Variants in SYTL4 observed in about 807,000 individuals in gnomAD.
The protein encoded by SYTL4 is synaptotagmin like 4.
A neutral mutation model predicts 52.7 loss-of-function variants in SYTL4; 16 were observed. That is an observed-to-expected ratio of 0.30 (90% CI 0.21 to 0.46). The LOEUF (loss-of-function observed/expected upper bound fraction) is 0.46, where lower values mean the gene tolerates loss of function less well. Among genes scored for constraint, SYTL4 ranks in the 20% least tolerant of loss-of-function variants. The pLI is 1.00. For synonymous variants in SYTL4, 160 were observed against 186.6 expected, an observed-to-expected ratio of 0.86 and a Z score of 1.16; for missense variants, 423 against 519.9, an observed-to-expected ratio of 0.81 and a Z score of 1.81.
At chrX:100,703,993 T>C (rs1399392362) in intron 3 of SYTL4, among the ~76,000 whole-genome samples, 1 of 112,834 alleles carries the variant, frequency 8.9e-6, no homozygotes, top group Non-Finnish European at 1.9e-5. Context: ...TGTTTTTACA[T>C]ATATCTTCCA....
chrX:100,713,420 G>C (rs2084116702), intron 2 of SYTL4, among the ~76,000 whole-genome samples: 1 of 110,793 alleles, frequency 9.0e-6, no homozygotes, highest in African/African-American at 3.3e-5. Context: ...ACTCCAGCCT[G>C]GGCAACAAGA....
At chrX:100,706,183 C>A (rs749419298) in intron 2 of SYTL4, among the ~76,000 whole-genome samples, 11 of 112,200 alleles carry the variant, frequency 9.8e-5, no homozygotes, top group African/African-American at 2.9e-4. Context: ...CTCAGCTGAA[C>A]CCTCATTGTC....
At chrX:100,687,355 C>T (rs1362705712) in intron 13 of SYTL4, 110 bp from the exon 14 acceptor site, 1 of 675,075 alleles carries the variant, frequency 1.5e-6, no homozygotes, top group Non-Finnish European at 2.3e-6. Context: ...GTTTCAGAAG[C>T]CCCTGCAATA....
At chrX:100,694,305 T>C (rs1408545727) in intron 8 of SYTL4, among the ~76,000 whole-genome samples, 1 of 111,352 alleles carries the variant, frequency 9.0e-6, no homozygotes, top group African/African-American at 3.3e-5. Context: ...ATGATCTGCT[T>C]CTCATCCCAT....
chrX:100,690,305 T>C, intron 10 of SYTL4, 140 bp from the exon 11 acceptor site: 1 of 488,281 alleles, frequency 2.0e-6, no homozygotes, highest in South Asian at 3.5e-5. Flanking sequence ...ATTAAATGCC[T>C]AGAAATAGTA....
chrX:100,709,127 T>G (rs1035649919), intron 2 of SYTL4, among the ~76,000 whole-genome samples: 1 of 111,450 alleles, frequency 9.0e-6, no homozygotes, highest in Non-Finnish European at 1.9e-5. Flanking sequence ...CCCATGGAAA[T>G]TGAAGAGCTG....
At chrX:100,722,662 C>CTAAA (rs57321237) in intron 2 of SYTL4, among the ~76,000 whole-genome samples, 4,840 of 109,778 alleles carry the variant, frequency 0.044, 171 homozygotes, top group African/African-American at 0.11. Flanking sequence ...CAAGTCCTTC[C>CTAAA]TAAATAAATA....
chrX:100,687,486 T>C (rs886676550), intron 13 of SYTL4: 59 of 370,622 alleles, frequency 1.6e-4, no homozygotes, highest in Non-Finnish European at 2.7e-4. Context: ...CTTCCTCAAC[T>C]CTTTTTACAA....
intron 1 of SYTL4, 103 bp downstream of exon 1, chrX:100,731,901 C>T (rs2084656369): frequency 9.0e-6 from 1 of 110,662 alleles, no homozygotes; most frequent in African/African-American, 3.3e-5. Context: ...AGACGCACGA[C>T]CCCGAGATGG....
intron 2 of SYTL4, among the ~76,000 whole-genome samples, chrX:100,716,646 T>C (rs1434296764): frequency 9.3e-6 from 1 of 107,705 alleles, no homozygotes; most frequent in Non-Finnish European, 1.9e-5. Flanking sequence ...CAGCCACCTA[T>C]GCACAAAAAT....
intron 17 of SYTL4, among the ~76,000 whole-genome samples, chrX:100,680,354 G>A (rs1293434453): frequency 9.0e-6 from 1 of 111,252 alleles, no homozygotes; most frequent in Middle Eastern, 4.2e-3. Flanking sequence ...CCTCATTGGG[G>A]ATTTCATTGA....
At chrX:100,715,589 G>A (rs1302531201) in intron 2 of SYTL4, among the ~76,000 whole-genome samples, 2 of 111,473 alleles carry the variant, frequency 1.8e-5, no homozygotes, top group African/African-American at 6.5e-5. Flanking sequence ...TATGCAAGTA[G>A]TACAGCATAA....
Position 100,688,505 on chromosome X carries a change from C to T in SYTL4, c.913-62G>A, listed in dbSNP as rs1046771705. The T allele has an allele frequency of 6.0e-5, 57 of 944,306 alleles. No homozygotes were observed. The South Asian group carries it at 1.3e-3, about 21-fold the overall frequency. The allele number at this position is 944,306 out of a possible 1,213,427, so 77.8% of individuals were successfully genotyped here. On this transcript the variant is annotated intron_variant, in intron 12 of 19. Coordinates refer to ENST00000372989, the MANE Select transcript of SYTL4 (RefSeq NM_001370165.1). ...AAAGACTTTTCTTTAGCTTCAAAGA[C>T]TAATATCTTTCCTTTAAAGCTCCAA...
At chrX:100,695,700 G>T (rs143443268) in intron 8 of SYTL4, among the ~76,000 whole-genome samples, 180 of 111,772 alleles carry the variant, frequency 1.6e-3, no homozygotes, top group African/African-American at 5.7e-3. Flanking sequence ...TTTCTTTTAC[G>T]CTTTGAGTAA....
intron 8 of SYTL4, among the ~76,000 whole-genome samples, chrX:100,696,046 A>G (rs2083698824): frequency 8.9e-6 from 1 of 112,218 alleles, no homozygotes; most frequent in African/African-American, 3.2e-5. Flanking sequence ...ATTGCTGAGT[A>G]GTATTCCACC....
Position 100,675,757 on chromosome X carries a change from A to G in SYTL4, c.*271T>C. The G allele has an allele frequency of 3.8e-6, 1 of 260,103 alleles. No individual in the cohort carries two copies. Among genetic ancestry groups the G allele is most frequent in the Non-Finnish European group, 6.8e-6 (1 of 147,094 alleles). 21.4% of individuals were successfully genotyped at this position (260,103 alleles called of 1,213,427 possible). Reference sequence around the variant, plus strand: ...CTTATAAAGACATAAGAAAAAATGGACTCTGAAAATAAACTAGATTATACA... The same window carrying G: ...CTTATAAAGACATAAGAAAAAATGGGCTCTGAAAATAAACTAGATTATACA... On this transcript the variant is annotated 3_prime_UTR_variant, in exon 20 of 20. Transcript: ENST00000372989.
At chrX:100,697,661 T>C (rs2083731988) in intron 8 of SYTL4, among the ~76,000 whole-genome samples, 1 of 110,114 alleles carries the variant, frequency 9.1e-6, no homozygotes. Flanking sequence ...AAATACAAGA[T>C]GATAAAACAA....
chrX:100,720,662 A>G (rs2084322748), intron 2 of SYTL4, among the ~76,000 whole-genome samples: 4 of 112,605 alleles, frequency 3.6e-5, no homozygotes, highest in South Asian at 3.7e-4. Context: ...ATGCTCACAC[A>G]TAACTGTGAT....
chrX:100,688,226 G>A lies in SYTL4; in HGVS notation c.1005+125C>T, dbSNP rs1166603384. 72 of 536,550 alleles carry A rather than the reference G, an allele frequency of 1.3e-4. No homozygotes were observed. The East Asian group carries it at 2.4e-3, about 18-fold the overall frequency. 44.2% of individuals were successfully genotyped at this position (536,550 alleles called of 1,213,427 possible). On this transcript the variant is annotated intron_variant, in intron 13 of 19. Transcript: ENST00000372989. ...AAATTGAGGATAGGAACAAACAAAT[G>A]ATCTTACTTACCTGAAAAGAGTGAC...
Sources: allele counts gnomAD v4.1 joint callset (sites outside exome capture counted in the v4.1 genomes callset), GRCh38; gene constraint gnomAD v4.1.1; transcripts MANE v1.5; gene names NCBI Gene and HGNC (gene_info 2026-07-23, HGNC 2026-07-21).